Variants in FAM53B observed in about 807,000 individuals in gnomAD.
The protein encoded by FAM53B is protein FAM53B.
A neutral mutation model predicts 32.7 loss-of-function variants in FAM53B; 12 were observed. The ratio of observed to expected loss-of-function variants is 0.37; its 90% CI spans 0.24 to 0.59. The LOEUF (loss-of-function observed/expected upper bound fraction) is 0.59, where lower values mean the gene tolerates loss of function less well. Among genes scored for constraint, FAM53B ranks in the 20% least tolerant of loss-of-function variants. FAM53B has a pLI of 0.72. For missense variants in FAM53B, 477 were observed against 577.7 expected (o/e 0.83, Z 1.79); for synonymous variants, 234 against 228.7 (o/e 1.02, Z -0.21).
At chr10:124,719,718 A>G (rs1950057844) in intron 1 of FAM53B, among the ~76,000 whole-genome samples, 1 of 152,226 alleles carries the variant, frequency 6.6e-6, no homozygotes, top group African/African-American at 2.4e-5. Flanking sequence ...AGTCAGCAGC[A>G]AAACTCTAAA....
At chr10:124,656,269 G>A (rs962080906) in intron 4 of FAM53B, among the ~76,000 whole-genome samples, 7 of 152,222 alleles carry the variant, frequency 4.6e-5, no homozygotes, top group African/African-American at 9.7e-5. Flanking sequence ...CTGTGGAGGC[G>A]CAGTCTGGAG....
At chr10:124,730,593 A>G (rs1950136243) in intron 1 of FAM53B, among the ~76,000 whole-genome samples, 1 of 152,146 alleles carries the variant, frequency 6.6e-6, no homozygotes, top group South Asian at 2.1e-4. Context: ...TTCTCCCCAC[A>G]CTGGGACACA....
intron 4 of FAM53B, among the ~76,000 whole-genome samples, chr10:124,652,428 G>C (rs1026684613): frequency 2.0e-5 from 3 of 152,148 alleles, no homozygotes; most frequent in Non-Finnish European, 4.4e-5. Flanking sequence ...AGGAGGCTGT[G>C]GCCACAGCCT....
At chr10:124,659,331 C>A (rs1245770745) in intron 4 of FAM53B, among the ~76,000 whole-genome samples, 3 of 152,252 alleles carry the variant, frequency 2.0e-5, no homozygotes, top group Non-Finnish European at 4.4e-5. Context: ...GGGAGAGATA[C>A]AACTGATCAG....
intron 4 of FAM53B, among the ~76,000 whole-genome samples, chr10:124,648,101 T>C (rs951526387): frequency 5.9e-5 from 9 of 152,214 alleles, no homozygotes; most frequent in Non-Finnish European, 4.4e-5. Flanking sequence ...TGCTTGGCCC[T>C]GCAGGGCACA....
intron 4 of FAM53B, among the ~76,000 whole-genome samples, chr10:124,629,451 T>C (rs1033210287): frequency 1.1e-4 from 16 of 152,314 alleles, no homozygotes; most frequent in African/African-American, 3.6e-4. Context: ...GAGGTCTTCA[T>C]GGAGCTACCT....
chr10:124,652,954 T>C (rs941962800), intron 4 of FAM53B, among the ~76,000 whole-genome samples: 3 of 152,184 alleles, frequency 2.0e-5, no homozygotes, highest in Admixed American at 1.3e-4. Context: ...GTAGACAAAA[T>C]GGCCCTACCT....
intron 4 of FAM53B, among the ~76,000 whole-genome samples, chr10:124,649,920 T>G (rs889128644): frequency 6.6e-6 from 1 of 152,134 alleles, no homozygotes; most frequent in Non-Finnish European, 1.5e-5. Flanking sequence ...GACACTACTG[T>G]TCCCATTTTT....
At chr10:124,675,575 T>C (rs182713039) in intron 4 of FAM53B, among the ~76,000 whole-genome samples, 109 of 152,354 alleles carry the variant, frequency 7.2e-4, no homozygotes, top group Non-Finnish European at 1.3e-3. Flanking sequence ...GGCACTGCCA[T>C]TCCCATTTTA....
At position 124,694,298 on chromosome 10, in the gene FAM53B, A is replaced by G. The variant is rs562796983; in HGVS notation, c.133+1860T>C. ...AGACACAGCGTAGTCCCTCCTGGAAACCATGGCCTCCCCGGTAGAAAGCAG... is the reference window on the plus strand; with the variant it reads ...AGACACAGCGTAGTCCCTCCTGGAAGCCATGGCCTCCCCGGTAGAAAGCAG... On this transcript the variant is annotated intron_variant, in intron 3 of 4. Transcript: ENST00000337318. 2.0e-5 allele frequency among the ~76,000 whole-genome samples: 3 copies of G among 152,308 alleles called. No individual in the cohort carries two copies. In the East Asian group the frequency reaches 5.8e-4, roughly 29 times the overall value.
chr10:124,688,566 T>G (rs1949815747), intron 3 of FAM53B, among the ~76,000 whole-genome samples: 1 of 152,224 alleles, frequency 6.6e-6, no homozygotes, highest in Non-Finnish European at 1.5e-5. Context: ...AGCTGAGGTT[T>G]GATGACTGAG....
In FAM53B at chr10:124,674,438, G is replaced by A. The variant is rs1016752072; in HGVS notation, c.906+7169C>T. Among the ~76,000 whole-genome samples the A allele has an allele frequency of 5.3e-5, 8 of 152,168 alleles. No homozygotes were observed. The South Asian group carries it at 8.3e-4, about 16-fold the overall frequency. ...ATTTAACACAGTGAGAGAGGGTGTC[G>A]CCACCCTTCCTCGAGGATGGGGAAA... is the stretch of plus-strand genomic sequence containing the variant. On this transcript the variant is annotated intron_variant, in intron 4 of 4. Coordinates refer to ENST00000337318, the MANE Select transcript of FAM53B (RefSeq NM_014661.4).
At position 124,621,785 on chromosome 10, in the gene FAM53B, G is replaced by C. The variant is rs1237955445; in HGVS notation, c.*1457C>G. The C allele has an allele frequency of 6.6e-6, 1 of 152,290 alleles. No individual in the cohort carries two copies. The highest frequency in any genetic ancestry group is 1.9e-4 in the East Asian group (1 of 5,204). The allele number at this position is 152,290 out of a possible 1,614,324, so 9.4% of individuals were successfully genotyped here. On this transcript the variant is annotated 3_prime_UTR_variant, in exon 5 of 5. Transcript: ENST00000337318. ...GAGCAAAAGCAAAGTGACTACAAAA[G>C]TGCTTTGAACGCGCGTGTCAGCCAA...
At chr10:124,646,272 T>C (rs1419237410) in intron 4 of FAM53B, among the ~76,000 whole-genome samples, 1 of 152,248 alleles carries the variant, frequency 6.6e-6, no homozygotes, top group Non-Finnish European at 1.5e-5. Context: ...CTCGCTTTCT[T>C]TAGGCATTTG....
intron 4 of FAM53B, chr10:124,667,301 G>C (rs1359024183): frequency 1.5e-6 from 1 of 667,872 alleles, no homozygotes; most frequent in African/African-American, 1.8e-5. Flanking sequence ...CTTAATAACT[G>C]GCTACTAGGA....
In FAM53B at chr10:124,698,946, C is replaced by T. The variant is rs1472049995; in HGVS notation, c.79-2734G>A. ...TACCCCCAACCTTGCTCTGGCCCTCCCCTCCTCACTCACACCACCCAGTGG... is the reference window on the plus strand; with the variant it reads ...TACCCCCAACCTTGCTCTGGCCCTCTCCTCCTCACTCACACCACCCAGTGG... On this transcript the variant is annotated intron_variant, in intron 2 of 4. Transcript: ENST00000337318. Among the ~76,000 whole-genome samples the T allele has an allele frequency of 2.6e-5, 4 of 152,244 alleles. No homozygotes were observed. In the East Asian group the frequency reaches 7.7e-4, roughly 29 times the overall value.
rs185629277 is a variant in FAM53B at position 124,648,150 on chromosome 10, A to G, written c.907-24546T>C. Among the ~76,000 whole-genome samples, 411 of 152,328 alleles carry G rather than the reference A, an allele frequency of 2.7e-3. 3 individuals carry two copies. Among genetic ancestry groups the G allele is most frequent in the African/African-American group, 9.3e-3 (387 of 41,574 alleles). On this transcript the variant is annotated intron_variant, in intron 4 of 4. Transcript: ENST00000337318. ...CCTCCTCCAGAAAACCCTCTCTCTG[A>G]GAACACTGCAGCAGCCAAGCTTCTG...
chr10:124,623,107 T>C lies in FAM53B; in HGVS notation c.*135A>G. On this transcript the variant is annotated 3_prime_UTR_variant, in exon 5 of 5. Coordinates refer to ENST00000337318, the MANE Select transcript of FAM53B (RefSeq NM_014661.4). The stretch of plus-strand genomic sequence containing the variant: ...TCCCCCAGGCAGCAGGTGGGCTCCC[T>C]CTCTGGGACCCGACACCACTCAGGA... 8.2e-7 allele frequency: 1 copy of C among 1,226,018 alleles called. No homozygotes were observed. Among genetic ancestry groups the C allele is most frequent in the Non-Finnish European group, 1.1e-6 (1 of 890,760 alleles). 75.9% of individuals were successfully genotyped at this position (1,226,018 alleles called of 1,614,324 possible).
At chr10:124,650,847 A>G (rs896791965) in intron 4 of FAM53B, among the ~76,000 whole-genome samples, 1 of 152,140 alleles carries the variant, frequency 6.6e-6, no homozygotes, top group Admixed American at 6.5e-5. Context: ...TTTGAAAAGA[A>G]AGGGTTCATC....
Sources: allele counts gnomAD v4.1 joint callset (sites outside exome capture counted in the v4.1 genomes callset), GRCh38; gene constraint gnomAD v4.1.1; transcripts MANE v1.5; gene names NCBI Gene and HGNC (gene_info 2026-07-23, HGNC 2026-07-21).